Variants in CELF2 observed in about 807,000 individuals in gnomAD.
CELF2 encodes the protein CUG triplet repeat RNA-binding protein 2.
In CELF2, 8 loss-of-function variants were observed where a neutral mutation model predicts 62.6. That is an observed-to-expected ratio of 0.13 (90% CI 0.07 to 0.23). The LOEUF is 0.23. Ranked by LOEUF, CELF2 falls within the 10% of genes least tolerant of loss-of-function variation. The probability of loss-of-function intolerance (pLI) is 1.00; values close to 1 mark genes in which losing one functional copy is unlikely to be tolerated. For missense variants in CELF2, 333 were observed against 671.0 expected (o/e 0.50, Z 5.56); for synonymous variants, 258 against 250.0 (o/e 1.03, Z -0.30).
the CELF2 span, among the ~76,000 whole-genome samples, chr10:10,511,481 G>A: frequency 6.6e-6 from 1 of 152,004 alleles, no homozygotes; most frequent in African/African-American, 2.4e-5. Flanking sequence ...TTATATATGG[G>A]TGTGTTTGGA....
At chr10:10,603,362 A>G in the CELF2 span, among the ~76,000 whole-genome samples, 15 of 152,186 alleles carry the variant, frequency 9.9e-5, no homozygotes, top group African/African-American at 3.6e-4. Flanking sequence ...TATTTTCCAT[A>G]TATTTCGCAT....
At chr10:10,857,681 A>ATATT (rs1040346336) in intron 1 of CELF2, among the ~76,000 whole-genome samples, 6 of 137,586 alleles carry the variant, frequency 4.4e-5, no homozygotes, top group East Asian at 2.0e-4. Context: ...ATATATATAT[A>ATATT]TTTTACCTCA....
In CELF2 at chr10:11,197,027, A is replaced by AG. The variant is rs1406923666; in HGVS notation, c.272-20398_272-20397insG. On this transcript the variant is annotated intron_variant, in intron 2 of 12. Transcript: ENST00000633077. ...GAGAAAGAAAGAAAGAAAGAAAGAA[A>AG]AGAAAGAAAGAAAGAAAGAAAGAAA... Among the ~76,000 whole-genome samples the AG allele has an allele frequency of 6.3e-3, 234 of 37,012 alleles. 39 individuals carry two copies. The highest frequency in any genetic ancestry group is 0.04 in the African/African-American group (218 of 5,446). 24.3% of individuals were successfully genotyped at this position (37,012 alleles called of 152,430 possible).
intron 2 of CELF2, among the ~76,000 whole-genome samples, chr10:10,975,648 T>C (rs1341726444): frequency 1.3e-5 from 2 of 152,258 alleles, no homozygotes; most frequent in East Asian, 3.8e-4. Context: ...AATCTGATTA[T>C]CATTTTAAGC....
At chr10:10,757,724 C>T in the CELF2 span, among the ~76,000 whole-genome samples, 1 of 152,152 alleles carries the variant, frequency 6.6e-6, no homozygotes, top group African/African-American at 2.4e-5. Flanking sequence ...TGGATCTACA[C>T]CTGTGGCTTA....
chr10:10,866,920 C>T (rs1054888788), intron 1 of CELF2, among the ~76,000 whole-genome samples: 1 of 97,742 alleles, frequency 1.0e-5, no homozygotes, highest in African/African-American at 4.3e-5. Flanking sequence ...AACTCCTTCT[C>T]AAAAAAAAAA....
the CELF2 span, among the ~76,000 whole-genome samples, chr10:10,624,909 C>A: frequency 1.3e-5 from 2 of 152,198 alleles, no homozygotes; most frequent in Non-Finnish European, 2.9e-5. Context: ...GGTCCTCGTG[C>A]TGCTACTTTT....
At chr10:10,841,950 C>A (rs77335442) in intron 1 of CELF2, among the ~76,000 whole-genome samples, 3,093 of 152,036 alleles carry the variant, frequency 0.02, 107 homozygotes, top group African/African-American at 0.07. Flanking sequence ...TTATTTAAAT[C>A]CTCTTTGATT....
intron 2 of CELF2, among the ~76,000 whole-genome samples, chr10:11,169,953 A>G (rs1000677654): frequency 5.3e-5 from 8 of 152,302 alleles, no homozygotes; most frequent in Non-Finnish European, 1.0e-4. Context: ...CAGAAGAGTC[A>G]AGAAGGATGC....
intron 1 of CELF2, among the ~76,000 whole-genome samples, chr10:10,811,222 T>C (rs556403395): frequency 6.6e-6 from 1 of 152,288 alleles, no homozygotes; most frequent in South Asian, 2.1e-4. Context: ...AAAGTTTTCT[T>C]TGTTTATAAA....
At chr10:10,677,044 C>T in the CELF2 span, among the ~76,000 whole-genome samples, 1 of 152,106 alleles carries the variant, frequency 6.6e-6, no homozygotes, top group Non-Finnish European at 1.5e-5. Flanking sequence ...AAAAGCAGAC[C>T]AGTTCAGCCC....
At chr10:10,868,387 G>T (rs2060518067) in intron 1 of CELF2, among the ~76,000 whole-genome samples, 1 of 152,204 alleles carries the variant, frequency 6.6e-6, no homozygotes, top group Admixed American at 6.5e-5. Flanking sequence ...TGTGATTTGG[G>T]TTTATTAAAG....
At chr10:11,056,986 G>A (rs1171289908) in intron 1 of CELF2, among the ~76,000 whole-genome samples, 1 of 152,198 alleles carries the variant, frequency 6.6e-6, no homozygotes, top group Non-Finnish European at 1.5e-5. Context: ...AAGAACCGCT[G>A]CGTGAAGTGT....
At chr10:10,660,029 G>A in the CELF2 span, among the ~76,000 whole-genome samples, 3 of 152,174 alleles carry the variant, frequency 2.0e-5, no homozygotes, top group Non-Finnish European at 4.4e-5. Flanking sequence ...ATATGCTGCT[G>A]GCTTTGAAGA....
At position 11,296,552 on chromosome 10, in the gene CELF2, C is replaced by T. The variant is rs181105496; in HGVS notation, c.976+8000C>T. On this transcript the variant is annotated intron_variant, in intron 9 of 12. Coordinates refer to ENST00000633077, the MANE Select transcript of CELF2 (RefSeq NM_001326342.2). This position sits in a 1 kb window ranked among gnomAD's most constrained non-coding sequence, Gnocchi z 5.0. ...CAAAGCTTTATTCTAGTCACAACTT[C>T]CCAGAAGCGTATACTGTAAGTTCCA... Among the ~76,000 whole-genome samples, 224 of 152,260 alleles carry T rather than the reference C, an allele frequency of 1.5e-3. 1 individual carries two copies. Among genetic ancestry groups the T allele is most frequent in the Non-Finnish European group, 1.1e-3 (74 of 68,026 alleles).
chr10:11,052,560 C>T (rs994297079), intron 1 of CELF2, among the ~76,000 whole-genome samples: 1 of 152,106 alleles, frequency 6.6e-6, no homozygotes, highest in Admixed American at 6.5e-5. Flanking sequence ...CAAGCAGTTC[C>T]GTATTGAAAA....
chr10:11,106,988 C>T (rs2053664702), intron 1 of CELF2, among the ~76,000 whole-genome samples: 1 of 152,210 alleles, frequency 6.6e-6, no homozygotes, highest in Non-Finnish European at 1.5e-5. Context: ...CCTGCTGGTG[C>T]CCAGCAGATT....
chr10:10,781,263 C>A, the CELF2 span, among the ~76,000 whole-genome samples: 7 of 152,176 alleles, frequency 4.6e-5, no homozygotes, highest in South Asian at 1.5e-3. Flanking sequence ...CATTTAGATA[C>A]ACAAATACTT....
At position 11,328,275 on chromosome 10, in the gene CELF2, C is replaced by A. The variant is rs2095858112; in HGVS notation, c.1439-651C>A. 6.6e-6 allele frequency among the ~76,000 whole-genome samples: 1 copy of A among 152,230 alleles called. No homozygotes were observed. Among genetic ancestry groups the A allele is most frequent in the South Asian group, 2.1e-4 (1 of 4,826 alleles). ...AAGTGAGATAAGGAGAAAGGCCCAGCACTTCCCTAGTCTCCTTGGTATTAA... is the reference window on the plus strand; with the variant it reads ...AAGTGAGATAAGGAGAAAGGCCCAGAACTTCCCTAGTCTCCTTGGTATTAA... On this transcript the variant is annotated intron_variant, in intron 12 of 12. Coordinates refer to ENST00000633077, the MANE Select transcript of CELF2 (RefSeq NM_001326342.2). This position sits in a 1 kb window ranked among gnomAD's most constrained non-coding sequence, Gnocchi z 6.4.
Sources: gnomAD v4.1 joint callset for allele counts (sites outside exome capture counted in the v4.1 genomes callset) on GRCh38, gnomAD v4.1.1 for gene constraint, Gnocchi (gnomAD v3.1) non-coding constraint, MANE v1.5 for transcripts, NCBI Gene and HGNC (gene_info 2026-07-23, HGNC 2026-07-21) for gene names.